The following HIF1A variants were observed in gnomAD, a reference collection of about 807,000 sequenced individuals.
HIF1A encodes the protein hypoxia inducible factor 1 subunit alpha.
Under a neutral mutation model 92.7 loss-of-function variants are expected in HIF1A, and 24 were observed. That is an observed-to-expected ratio of 0.26 (90% CI 0.19 to 0.36). The LOEUF is 0.36. Among genes scored for constraint, HIF1A ranks in the 10% least tolerant of loss-of-function variants. HIF1A has a pLI of 1.00. For missense variants in HIF1A, 799 were observed against 998.5 expected (o/e 0.80, Z 2.69); for synonymous variants, 319 against 338.7 (o/e 0.94, Z 0.64).
At position 61,738,182 on chromosome 14, in the gene HIF1A, G is replaced by T; in HGVS notation, c.1345G>T (p.Ala449Ser). Residue 449 changes from alanine to serine, a missense_variant, in exon 10 of 15, where the codon GCA becomes TCA. Physicochemically the swap from Ala to Ser is moderately conservative, Grantham distance 99. This residue lies in a region of HIF1A where 516 missense variants were observed against 721.0 expected (regional missense o/e 0.72). Coordinates refer to ENST00000337138, the MANE Select transcript of HIF1A (RefSeq NM_001530.4). The stretch of plus-strand genomic sequence containing the variant: ...CGAAAAATTACAGAATATAAATTTG[G>T]CAATGTCTCCATTACCCACCGCTGA... ...PNEKLQNINL[A>S]MSPLPTAETP... The T allele has an allele frequency of 6.2e-7, 1 of 1,613,934 alleles. No individual in the cohort carries two copies. The highest frequency in any genetic ancestry group is 8.5e-7 in the Non-Finnish European group (1 of 1,179,974).
intron 1 of HIF1A, chr14:61,715,816 A>G (rs2044357353): frequency 6.6e-6 from 1 of 152,324 alleles, no homozygotes; most frequent in Non-Finnish European, 1.5e-5. Flanking sequence ...TCGAGGCAAC[A>G]TAGATTCCGT....
intron 4 of HIF1A, among the ~76,000 whole-genome samples, chr14:61,724,884 T>G (rs1380640274): frequency 6.6e-6 from 1 of 152,218 alleles, no homozygotes; most frequent in Non-Finnish European, 1.5e-5. Flanking sequence ...TTAAAGCCCC[T>G]TGTTGAATAT....
At chr14:61,715,516 G>A (rs570253641) in intron 1 of HIF1A, 6 of 152,276 alleles carry the variant, frequency 3.9e-5, no homozygotes, top group African/African-American at 1.2e-4. Context: ...TGTTAATCGC[G>A]TGGACACCAG....
At chr14:61,737,153 T>C (rs780461392) in intron 9 of HIF1A, 44 bp downstream of exon 9, 4 of 1,360,768 alleles carry the variant, frequency 2.9e-6, no homozygotes, top group Non-Finnish European at 4.2e-6. Flanking sequence ...TGTCTGTTGC[T>C]ACAAGCCCCA....
chr14:61,740,370 A>C, intron 10 of HIF1A, 135 bp from the exon 11 acceptor site: 1 of 665,242 alleles, frequency 1.5e-6, no homozygotes, highest in Non-Finnish European at 2.5e-6. Flanking sequence ...CGGCCTAGTT[A>C]AATAAAATTT....
chr14:61,744,861 G>A (rs1339104010), intron 13 of HIF1A, 48 bp downstream of exon 13: 2 of 5,296 alleles, frequency 3.8e-4, no homozygotes, highest in Admixed American at 3.5e-3. Context: ...GTGCTATTTC[G>A]TGTGTGTGTG....
intron 7 of HIF1A, among the ~76,000 whole-genome samples, chr14:61,732,940 T>C (rs1254136193): frequency 6.6e-6 from 1 of 152,188 alleles, no homozygotes; most frequent in East Asian, 1.9e-4. Flanking sequence ...TATAAGTGCA[T>C]AGTTAGGTAT....
chr14:61,695,902 G>A, intron 1 of HIF1A, 63 bp downstream of exon 1: 1 of 1,477,708 alleles, frequency 6.8e-7, no homozygotes, highest in African/African-American at 1.4e-5. Flanking sequence ...TGCCCGCCCT[G>A]GGCTCCTGGG....
chr14:61,699,115 T>G (rs1005197555), intron 1 of HIF1A, among the ~76,000 whole-genome samples: 7 of 152,204 alleles, frequency 4.6e-5, no homozygotes, highest in African/African-American at 1.7e-4. Context: ...TTGGGTTCCA[T>G]CTGAAGGCAA....
At chr14:61,735,293 C>A (rs1176528430) in intron 8 of HIF1A, among the ~76,000 whole-genome samples, 3 of 152,214 alleles carry the variant, frequency 2.0e-5, no homozygotes, top group Non-Finnish European at 4.4e-5. Flanking sequence ...TCTAGGGTCA[C>A]TCCTCTTAGG....
At chr14:61,717,125 T>C (rs1443490945) in intron 1 of HIF1A, 1 of 152,222 alleles carries the variant, frequency 6.6e-6, no homozygotes, top group South Asian at 2.1e-4. Context: ...TGTTGTGCAA[T>C]GTAAGCAGTA....
At chr14:61,744,950 T>C in intron 13 of HIF1A, 137 bp downstream of exon 13, 1 of 502,326 alleles carries the variant, frequency 2.0e-6, no homozygotes, top group South Asian at 3.5e-5. Context: ...ACATTGGGTT[T>C]TTTTACTCTG....
intron 1 of HIF1A, among the ~76,000 whole-genome samples, chr14:61,718,247 G>A (rs1401788387): frequency 3.3e-5 from 5 of 152,266 alleles, no homozygotes; most frequent in East Asian, 1.9e-4. Flanking sequence ...GAGCTTAGGC[G>A]TTCAAGACCA....
At chr14:61,742,819 A>C (rs1220983040) in intron 12 of HIF1A, among the ~76,000 whole-genome samples, 1 of 128,574 alleles carries the variant, frequency 7.8e-6, no homozygotes, top group African/African-American at 2.9e-5. Flanking sequence ...CTGGAGGTGG[A>C]GGCTGCAGTG....
Position 61,721,829 on chromosome 14 carries a change from A to G in HIF1A, c.457+6A>G, listed in dbSNP as rs763224528. ...AATGCTTACACACAGAAATGGTAAG[A>G]AAAGTCTGTTGTTTGATTTAATGTG... is the stretch of plus-strand genomic sequence containing the variant. On this transcript the variant is annotated splice_donor_region_variant and intron_variant, in intron 4 of 14. Transcript: ENST00000337138. The G allele has an allele frequency of 1.4e-5, 22 of 1,597,572 alleles. No individual in the cohort carries two copies. Among genetic ancestry groups the G allele is most frequent in the Non-Finnish European group, 1.9e-5 (22 of 1,165,282 alleles).
At chr14:61,706,969 T>C (rs1379049323) in intron 1 of HIF1A, among the ~76,000 whole-genome samples, 1 of 152,234 alleles carries the variant, frequency 6.6e-6, no homozygotes, top group Non-Finnish European at 1.5e-5. Flanking sequence ...TCAGTGTAGT[T>C]AGTGTATTTT....
chr14:61,718,195 G>T (rs939133340), intron 1 of HIF1A, among the ~76,000 whole-genome samples: 1 of 152,122 alleles, frequency 6.6e-6, no homozygotes, highest in Non-Finnish European at 1.5e-5. Flanking sequence ...GCTCAAGCCT[G>T]TAATTTGAGC....
chr14:61,706,466 A>G (rs1052382145), intron 1 of HIF1A, among the ~76,000 whole-genome samples: 3 of 152,220 alleles, frequency 2.0e-5, no homozygotes, highest in Admixed American at 1.3e-4. Context: ...ATTCTTAGCA[A>G]TTATACCTCA....
chr14:61,723,679 G>T (rs893599858), intron 4 of HIF1A, among the ~76,000 whole-genome samples: 1 of 152,198 alleles, frequency 6.6e-6, no homozygotes. Context: ...CAGAGTTGAG[G>T]TTTATATTGA....
Sources: gnomAD v4.1 joint callset for allele counts (sites outside exome capture counted in the v4.1 genomes callset) on GRCh38, gnomAD v4.1.1 for gene constraint, gnomAD v4.1.1 regional missense constraint, MANE v1.5 for transcripts, NCBI Gene and HGNC (gene_info 2026-07-23, HGNC 2026-07-21) for gene names.